The following MRPS35 variants were observed in gnomAD, a reference collection of about 807,000 sequenced individuals.
The protein encoded by MRPS35 is mitochondrial ribosomal protein S35.
A neutral mutation model predicts 32.7 loss-of-function variants in MRPS35; 29 were observed. That is an observed-to-expected ratio of 0.89 (90% CI 0.66 to 1.21). The LOEUF (loss-of-function observed/expected upper bound fraction) is 1.21, where lower values mean the gene tolerates loss of function less well. Ranked by LOEUF, MRPS35 falls within the 50% of genes most tolerant of loss-of-function variation. The pLI, the probability that MRPS35 is intolerant of heterozygous loss-of-function variation, is 0.00. For missense variants in MRPS35, 373 were observed against 383.8 expected (o/e 0.97, Z 0.23); for synonymous variants, 148 against 139.3 (o/e 1.06, Z -0.44).
intron 5 of MRPS35, among the ~76,000 whole-genome samples, chr12:27,732,493 G>A (rs1171128805): frequency 6.6e-6 from 1 of 152,150 alleles, no homozygotes; most frequent in Non-Finnish European, 1.5e-5. Flanking sequence ...TGGCTGTTGA[G>A]GCTCAGTGGT....
intron 1 of MRPS35, among the ~76,000 whole-genome samples, chr12:27,712,149 G>A (rs2061829049): frequency 1.3e-5 from 2 of 152,072 alleles, no homozygotes; most frequent in Admixed American, 6.5e-5. Context: ...GCCATGCAGA[G>A]ATATGGGGAA....
At chr12:27,749,218 A>C (rs1291219003) in intron 7 of MRPS35, among the ~76,000 whole-genome samples, 1 of 152,078 alleles carries the variant, frequency 6.6e-6, no homozygotes, top group Non-Finnish European at 1.5e-5. Flanking sequence ...CTGATACTAT[A>C]TCAGAATTCA....
intron 7 of MRPS35, among the ~76,000 whole-genome samples, chr12:27,748,806 A>G (rs1216741139): frequency 1.3e-5 from 2 of 152,098 alleles, no homozygotes; most frequent in Non-Finnish European, 2.9e-5. Context: ...GGCTACAAAA[A>G]AAAACTGAAA....
chr12:27,733,038 A>C (rs11049112), intron 5 of MRPS35, among the ~76,000 whole-genome samples: 13,171 of 75,540 alleles, frequency 0.17, 1,047 homozygotes, highest in Middle Eastern at 0.22. Context: ...ATATATATAT[A>C]TATCCAGCAC....
chr12:27,755,292 G>C lies in MRPS35; in HGVS notation c.814G>C (p.Ala272Pro). 1 of 1,613,146 alleles carries C rather than the reference G, an allele frequency of 6.2e-7. No individual in the cohort carries two copies. The highest frequency in any genetic ancestry group is 8.5e-7 in the Non-Finnish European group (1 of 1,179,816). ...ILETLLQMKA[A>P]EKNMEINKEE... ...GGAAACGCTTCTCCAGATGAAAGCTGCTGAGAAAAATATGGAAATAAATAA... is the reference window on the plus strand; with the variant it reads ...GGAAACGCTTCTCCAGATGAAAGCTCCTGAGAAAAATATGGAAATAAATAA... Residue 272 changes from alanine to proline, a missense_variant, in exon 8 of 8, where the codon GCT becomes CCT. Coordinates refer to ENST00000081029, the MANE Select transcript of MRPS35 (RefSeq NM_021821.4).
chr12:27,740,615 A>G (rs2061960818), intron 7 of MRPS35, among the ~76,000 whole-genome samples: 1 of 152,166 alleles, frequency 6.6e-6, no homozygotes, highest in Admixed American at 6.5e-5. Flanking sequence ...TCTAAGTAGC[A>G]CTGAGGGGAA....
In MRPS35 at chr12:27,745,170, A is replaced by G. The variant is rs148458187; in HGVS notation, c.702+7562A>G. Among the ~76,000 whole-genome samples, 85 of 152,294 alleles carry G rather than the reference A, an allele frequency of 5.6e-4. No individual in the cohort carries two copies. In the East Asian group the frequency reaches 0.016, roughly 29 times the overall value. On this transcript the variant is annotated intron_variant, in intron 7 of 7. Coordinates refer to ENST00000081029, the MANE Select transcript of MRPS35 (RefSeq NM_021821.4). ...TACTTTGTCTTTTTTCTTTTTTTTA[A>G]CACAAAGCATTTAGTGCAGCCATCC...
At chr12:27,730,720 C>T (rs574995950) in intron 5 of MRPS35, among the ~76,000 whole-genome samples, 9 of 152,160 alleles carry the variant, frequency 5.9e-5, no homozygotes, top group Admixed American at 1.3e-4. Context: ...ATACTCTCAC[C>T]TCAGCCTCCT....
intron 2 of MRPS35, among the ~76,000 whole-genome samples, chr12:27,715,519 T>C (rs2061846375): frequency 6.6e-6 from 1 of 152,216 alleles, no homozygotes; most frequent in Admixed American, 6.5e-5. Flanking sequence ...GATTCCTTAC[T>C]TCTATGGAGG....
chr12:27,752,464 G>T (rs1276524759), intron 7 of MRPS35, among the ~76,000 whole-genome samples: 1 of 151,868 alleles, frequency 6.6e-6, no homozygotes, highest in Non-Finnish European at 1.5e-5. Flanking sequence ...GATAAAACAT[G>T]TGAAACTTAA....
intron 1 of MRPS35, among the ~76,000 whole-genome samples, chr12:27,712,585 A>G (rs2061832564): frequency 6.6e-6 from 1 of 152,234 alleles, no homozygotes; most frequent in African/African-American, 2.4e-5. Flanking sequence ...GGTAAAGTTC[A>G]TAGGATTTAC....
chr12:27,712,623 CA>C (rs1406949067), intron 1 of MRPS35, among the ~76,000 whole-genome samples: 19 of 152,140 alleles, frequency 1.2e-4, no homozygotes, highest in African/African-American at 4.6e-4. Context: ...GGCTTGAGGA[CA>C]AGTCTCAAAA....
At chr12:27,723,897 G>A in intron 4 of MRPS35, 150 bp from the exon 5 acceptor site, 1 of 657,918 alleles carries the variant, frequency 1.5e-6, no homozygotes, top group Non-Finnish European at 2.4e-6. Context: ...AGGGATAAGG[G>A]ATGATGCTAT....
intron 4 of MRPS35, among the ~76,000 whole-genome samples, chr12:27,721,642 T>A (rs948750130): frequency 2.0e-5 from 3 of 152,090 alleles, no homozygotes; most frequent in African/African-American, 7.2e-5. Context: ...GGTAACAAAG[T>A]GAGATCCTGT....
chr12:27,723,790 G>A (rs1186444951), intron 4 of MRPS35, among the ~76,000 whole-genome samples: 1 of 152,162 alleles, frequency 6.6e-6, no homozygotes, highest in African/African-American at 2.4e-5. Context: ...TCAAGGCACA[G>A]TTCCCTTTTA....
chr12:27,713,826 C>T (rs2061837885), intron 1 of MRPS35, among the ~76,000 whole-genome samples: 2 of 151,914 alleles, frequency 1.3e-5, no homozygotes, highest in African/African-American at 4.8e-5. Context: ...AGTGACTCAC[C>T]CCTGTAATCC....
At chr12:27,719,912 C>T in intron 4 of MRPS35, 44 bp downstream of exon 4, 1 of 1,362,492 alleles carries the variant, frequency 7.3e-7, no homozygotes, top group South Asian at 1.2e-5. Context: ...TGACTTTGAA[C>T]ATAAATTTAA....
intron 3 of MRPS35, among the ~76,000 whole-genome samples, chr12:27,716,843 TAGCC>T (rs1360299848): frequency 6.6e-6 from 1 of 151,942 alleles, no homozygotes; most frequent in Admixed American, 6.6e-5. Context: ...CACAAAAAAT[TAGCC>T]AGACGTGGTG....
rs1470617438 is a variant in MRPS35, at chr12:27,710,883, T to G, written c.40T>G (p.Ser14Ala). Residue 14 changes from serine to alanine, a missense_variant, in exon 1 of 8, where the codon TCG becomes GCG. Coordinates refer to ENST00000081029, the MANE Select transcript of MRPS35 (RefSeq NM_021821.4). ...GCTCCCAGCATGGCTGTCTCTGCAG[T>G]CGAGGGCAAGGACTCTGCGTGCATT... ...AALPAWLSLQ[S>A]RARTLRAFST... 1 of 1,612,122 alleles carries G rather than the reference T, an allele frequency of 6.2e-7. No homozygotes were observed. Among genetic ancestry groups the G allele is most frequent in the Non-Finnish European group, 8.5e-7 (1 of 1,179,902 alleles).
Sources: gnomAD v4.1 joint callset for allele counts (sites outside exome capture counted in the v4.1 genomes callset) on GRCh38, gnomAD v4.1.1 for gene constraint, MANE v1.5 for transcripts, NCBI Gene and HGNC (gene_info 2026-07-23, HGNC 2026-07-21) for gene names.